Variants in CPXM2 observed in about 807,000 individuals in gnomAD.
CPXM2 encodes carboxypeptidase X, M14 family member 2.
In CPXM2, 66 loss-of-function variants were observed where a neutral mutation model predicts 86.1. The observed-to-expected ratio is 0.77, with a 90% CI of 0.63 to 0.94. The LOEUF (loss-of-function observed/expected upper bound fraction) is 0.94. Among genes scored for constraint, CPXM2 ranks in the 40% least tolerant of loss-of-function variants. The probability of loss-of-function intolerance (pLI) is 0.00; values close to 1 mark genes in which losing one functional copy is unlikely to be tolerated. For missense variants in CPXM2, 948 were observed against 1,026.3 expected (o/e 0.92, Z 1.04); for synonymous variants, 388 against 400.2 (o/e 0.97, Z 0.36).
Position 123,746,986 on chromosome 10 carries a change from G to A in CPXM2, c.2049C>T (p.Asn683=). 6.2e-7 allele frequency: 1 copy of A among 1,614,112 alleles called. No individual in the cohort carries two copies. Among genetic ancestry groups the A allele is most frequent in the South Asian group, 1.1e-5 (1 of 91,076 alleles). ...TTGCTGTGACCACATACTCTCCAGG[G>A]TTCAGGAGGCGCCAGTAATCCCCAT... ...ANDGDYWRLL[N]PGEYVVTAKA... Residue 683 remains asparagine (N), a synonymous_variant, in exon 14 of 14, where the codon AAC becomes AAT. Transcript: ENST00000241305.
chr10:123,931,381 G>C (rs1432034193), intron 2 of CPXM2: 1 of 152,226 alleles, frequency 6.6e-6, no homozygotes, highest in Non-Finnish European at 1.5e-5. Context: ...CAAGCTTCAT[G>C]TTTGGAACTC....
In CPXM2 at chr10:123,752,908, G is replaced by A. The variant is rs77748882; in HGVS notation, c.2017+1755C>T. 8.9e-3 allele frequency among the ~76,000 whole-genome samples: 1,362 copies of A among 152,256 alleles called. 21 individuals carry two copies. Among genetic ancestry groups the A allele is most frequent in the African/African-American group, 0.031 (1,270 of 41,550 alleles). On this transcript the variant is annotated intron_variant, in intron 13 of 13. Transcript: ENST00000241305. ...CAGTCAAGGGCTCCTGACCTCATGG[G>A]GGCGAAGAGACAGAAACAAATCATG...
intron 2 of CPXM2, among the ~76,000 whole-genome samples, chr10:123,870,951 G>A (rs975563109): frequency 2.0e-5 from 3 of 152,134 alleles, no homozygotes; most frequent in African/African-American, 7.2e-5. Flanking sequence ...TTTTACCTGT[G>A]AGGCTACACA....
intron 4 of CPXM2, among the ~76,000 whole-genome samples, chr10:123,840,731 C>T (rs143861612): frequency 1.2e-4 from 19 of 152,186 alleles, no homozygotes; most frequent in Non-Finnish European, 2.5e-4. Flanking sequence ...ATAATATTGT[C>T]TTTACAGTAA....
At chr10:123,908,220 C>T (rs1327237977) in intron 2 of CPXM2, among the ~76,000 whole-genome samples, 2 of 150,584 alleles carry the variant, frequency 1.3e-5, no homozygotes, top group African/African-American at 2.5e-5. Flanking sequence ...CTGGAGTGGC[C>T]GCAGGTGGGA....
intron 6 of CPXM2, among the ~76,000 whole-genome samples, chr10:123,789,398 G>C (rs1026268118): frequency 3.9e-5 from 6 of 152,186 alleles, no homozygotes; most frequent in African/African-American, 1.2e-4. Context: ...AAACCCTCTG[G>C]TTCCTTGGCA....
intron 4 of CPXM2, among the ~76,000 whole-genome samples, chr10:123,810,043 A>G (rs935392841): frequency 4.6e-5 from 7 of 152,014 alleles, no homozygotes; most frequent in African/African-American, 1.7e-4. Context: ...GTTGAAATTA[A>G]TGGAAGAACT....
chr10:123,884,730 T>C (rs1590100824), intron 1 of CPXM2, among the ~76,000 whole-genome samples: 1 of 150,558 alleles, frequency 6.6e-6, no homozygotes, highest in African/African-American at 2.4e-5. Context: ...CTCTCTCTCT[T>C]TCTCTCTCTG....
intron 3 of CPXM2, among the ~76,000 whole-genome samples, chr10:123,855,255 C>T (rs750504607): frequency 7.2e-5 from 11 of 152,118 alleles, no homozygotes; most frequent in Non-Finnish European, 1.5e-4. Flanking sequence ...TTCCTTGACT[C>T]GGAAACTATG....
At chr10:123,821,102 G>A (rs1048774489) in intron 4 of CPXM2, among the ~76,000 whole-genome samples, 3 of 152,058 alleles carry the variant, frequency 2.0e-5, no homozygotes, top group Non-Finnish European at 4.4e-5. Flanking sequence ...CCTGCCACCT[G>A]GGTCCCAACA....
intron 2 of CPXM2, among the ~76,000 whole-genome samples, chr10:123,918,872 CT>C (rs1049110825): frequency 6.6e-6 from 1 of 152,086 alleles, no homozygotes; most frequent in African/African-American, 2.4e-5. Context: ...TCTCCTCTTT[CT>C]TTTTTTCCTA....
intron 3 of CPXM2, among the ~76,000 whole-genome samples, chr10:123,851,080 T>C (rs1315177299): frequency 6.6e-6 from 1 of 152,218 alleles, no homozygotes; most frequent in African/African-American, 2.4e-5. Flanking sequence ...CATTTGTATT[T>C]ACTTGACGAC....
At chr10:123,906,905 TC>T (rs1945447540) in intron 2 of CPXM2, among the ~76,000 whole-genome samples, 1 of 152,192 alleles carries the variant, frequency 6.6e-6, no homozygotes, top group Non-Finnish European at 1.5e-5. Context: ...TCTGGCTGCC[TC>T]CCTTGCAATA....
At position 123,843,989 on chromosome 10, in the gene CPXM2, C is replaced by A. The variant is rs1848442270; in HGVS notation, c.514-1501G>T. On this transcript the variant is annotated intron_variant, in intron 3 of 13. Transcript: ENST00000241305. ...TTTGTTTCTGCTGCCAATCTCAGTT[C>A]TTTCTGAGCACACTGGACAGTCAAT... 2.0e-5 allele frequency among the ~76,000 whole-genome samples: 3 copies of A among 152,092 alleles called. No individual in the cohort carries two copies. The South Asian group carries it at 6.2e-4, about 32-fold the overall frequency.
At chr10:123,942,754 T>G (rs991858569), upstream of CPXM2, among the ~76,000 whole-genome samples, 6 of 152,210 alleles carry the variant, frequency 3.9e-5, no homozygotes, top group South Asian at 2.1e-4. Flanking sequence ...TTTGTTTCCT[T>G]ACTTCTCTAT....
At chr10:123,751,541 A>G (rs1846076989) in intron 13 of CPXM2, 2 of 985,216 alleles carry the variant, frequency 2.0e-6, no homozygotes, top group African/African-American at 3.5e-5. Context: ...TCCACACAGG[A>G]GCAGGTCAGT....
rs150707293 is a variant in CPXM2 at position 123,762,004 on chromosome 10, G to A, written c.1645C>T (p.Arg549Cys). Reference protein sequence around the residue: ...HTPTPDDHVFRWLAYSYASTH... With the variant: ...HTPTPDDHVFCWLAYSYASTH... ...GAGGCATAGGAGTAGGCCAGCCAGC[G>A]GAACACGTGGTCGTCGGGGGTGGGG... is the stretch of plus-strand genomic sequence containing the variant. Residue 549 changes from arginine (R) to cysteine (C), a missense_variant, in exon 11 of 14, where the codon CGC (arginine) becomes TGC (cysteine). By Grantham distance (180) the Arg-to-Cys change is radical. Coordinates refer to ENST00000241305, the MANE Select transcript of CPXM2 (RefSeq NM_198148.3). 1.7e-3 allele frequency: 2,685 copies of A among 1,613,720 alleles called. 7 individuals carry two copies. The highest frequency in any genetic ancestry group is 2.1e-3 in the Non-Finnish European group (2,454 of 1,179,728).
At chr10:123,836,349 C>T (rs1848280519) in intron 4 of CPXM2, among the ~76,000 whole-genome samples, 1 of 152,110 alleles carries the variant, frequency 6.6e-6, no homozygotes, top group Admixed American at 6.5e-5. Context: ...CCTGAACCTG[C>T]CCTGCACCTC....
chr10:123,756,182 C>G lies in CPXM2; in HGVS notation c.1917+1031G>C, dbSNP rs180776786. Among the ~76,000 whole-genome samples, 31 of 152,308 alleles carry G rather than the reference C, an allele frequency of 2.0e-4. No individual in the cohort carries two copies. The East Asian group carries it at 5.6e-3, about 27-fold the overall frequency. Reference sequence around the variant, plus strand: ...AACCCATGGAAGGGGAACCTTGTGTCCAGCCTCAGAGTCTTACTTCCTAAT... The same window carrying G: ...AACCCATGGAAGGGGAACCTTGTGTGCAGCCTCAGAGTCTTACTTCCTAAT... On this transcript the variant is annotated intron_variant, in intron 12 of 13. Coordinates refer to ENST00000241305, the MANE Select transcript of CPXM2 (RefSeq NM_198148.3).
Sources: allele counts gnomAD v4.1 joint callset (sites outside exome capture counted in the v4.1 genomes callset), GRCh38; gene constraint gnomAD v4.1.1; transcripts MANE v1.5; gene names NCBI Gene and HGNC (gene_info 2026-07-23, HGNC 2026-07-21).